CACNA1C: variants seen among roughly 807,000 people sequenced by gnomAD.
CACNA1C encodes the protein calcium voltage-gated channel subunit alpha1 C.
CACNA1C carries 30 observed loss-of-function variants against 229.0 expected under a neutral mutation model. That is an observed-to-expected ratio of 0.13 (90% CI 0.10 to 0.18). The LOEUF (loss-of-function observed/expected upper bound fraction) is 0.18. Ranked by LOEUF, CACNA1C falls within the 10% of genes least tolerant of loss-of-function variation. CACNA1C has a pLI of 1.00. For synonymous variants in CACNA1C, 1,114 were observed against 1,132.5 expected, an observed-to-expected ratio of 0.98 and a Z score of 0.33; for missense variants, 1,658 against 2,845.0, an observed-to-expected ratio of 0.58 and a Z score of 9.49.
chr12:2,387,986 A>G (rs1384837133), intron 3 of CACNA1C, among the ~76,000 whole-genome samples: 1 of 152,164 alleles, frequency 6.6e-6, no homozygotes, highest in Non-Finnish European at 1.5e-5. Flanking sequence ...ACTAGAGAGC[A>G]GGAGACCAAG....
intron 1 of CACNA1C, among the ~76,000 whole-genome samples, chr12:2,084,743 T>C (rs914183796): frequency 2.6e-5 from 4 of 152,234 alleles, no homozygotes; most frequent in Non-Finnish European, 5.9e-5. Flanking sequence ...GCAGCTGTGC[T>C]CTACTGTTGA....
chr12:2,376,247 G>A (rs930423995), intron 3 of CACNA1C, among the ~76,000 whole-genome samples: 7 of 152,130 alleles, frequency 4.6e-5, no homozygotes, highest in Admixed American at 1.3e-4. Flanking sequence ...AGTCCAGGTC[G>A]GAGTCATGGC....
At chr12:2,060,820 G>A (rs1428058899) in intron 1 of CACNA1C, among the ~76,000 whole-genome samples, 2 of 152,250 alleles carry the variant, frequency 1.3e-5, no homozygotes, top group East Asian at 1.9e-4. Context: ...GTCCTTTAGA[G>A]AACCAAGCCA....
At position 2,653,837 on chromosome 12, in the gene CACNA1C, C is replaced by T. The variant is rs780693981; in HGVS notation, c.4077C>T (p.Ala1359=). ...LLWTFIKSFQ[A]LPYVALLIVM... ...GAGTCTCCTGCACTTCCTTCCAGGCCCTGCCCTATGTGGCCCTCCTGATCG... is the reference window on the plus strand; with the variant it reads ...GAGTCTCCTGCACTTCCTTCCAGGCTCTGCCCTATGTGGCCCTCCTGATCG... Residue 1359 remains alanine (A), a splice_region_variant and synonymous_variant, in exon 33 of 47, where the codon GCC becomes GCT. Transcript: ENST00000399655. This position sits in a 1 kb window ranked among gnomAD's most constrained non-coding sequence, Gnocchi z 4.7. 2 of 1,613,828 alleles carry T rather than the reference C, an allele frequency of 1.2e-6. No individual in the cohort carries two copies. The highest frequency in any genetic ancestry group is 2.2e-5 in the South Asian group (2 of 91,074).
intron 3 of CACNA1C, among the ~76,000 whole-genome samples, chr12:2,235,121 T>C (rs2066834547): frequency 6.6e-6 from 1 of 152,220 alleles, no homozygotes; most frequent in South Asian, 2.1e-4. Context: ...TACGTGGCTC[T>C]CTGAGGGCCA....
chr12:2,575,165 A>C lies in CACNA1C; in HGVS notation c.1896-6425A>C, dbSNP rs1276894266. On this transcript the variant is annotated intron_variant, in intron 13 of 46. Transcript: ENST00000399655. This position sits in a 1 kb window ranked among gnomAD's most constrained non-coding sequence, Gnocchi z 4.0. ...ACATCTGCTGCAAACAGAGAAGACA[A>C]GACCTTTGAACTTGTTAACTAAGTC... Among the ~76,000 whole-genome samples, 2 of 152,212 alleles carry C rather than the reference A, an allele frequency of 1.3e-5. No homozygotes were observed. The highest frequency in any genetic ancestry group is 4.8e-5 in the African/African-American group (2 of 41,458).
intron 13 of CACNA1C, among the ~76,000 whole-genome samples, chr12:2,574,739 C>G (rs1182783413): frequency 1.3e-5 from 2 of 152,242 alleles, no homozygotes; most frequent in East Asian, 3.9e-4. Flanking sequence ...CTAGCCCCCA[C>G]TCTTCTCAGG....
At chr12:2,324,836 T>C (rs1280175758) in intron 3 of CACNA1C, among the ~76,000 whole-genome samples, 1 of 152,066 alleles carries the variant, frequency 6.6e-6, no homozygotes, top group African/African-American at 2.4e-5. Flanking sequence ...TTGCTCTCCA[T>C]GTGATGAACT....
At chr12:2,567,841 T>A (rs1226021001) in intron 13 of CACNA1C, 47 bp downstream of exon 13, 1 of 1,245,138 alleles carries the variant, frequency 8.0e-7, no homozygotes, top group Admixed American at 1.9e-5. Flanking sequence ...CAGGAAGAAG[T>A]TCTTCCAGAG....
At chr12:2,100,607 A>G (rs2076010430) in intron 1 of CACNA1C, among the ~76,000 whole-genome samples, 1 of 147,006 alleles carries the variant, frequency 6.8e-6, no homozygotes, top group South Asian at 2.1e-4. Context: ...AAAAAAAAAA[A>G]TTAGCTGGGC....
chr12:2,246,869 G>A (rs2073523797), intron 3 of CACNA1C, among the ~76,000 whole-genome samples: 1 of 152,130 alleles, frequency 6.6e-6, no homozygotes, highest in Non-Finnish European at 1.5e-5. Flanking sequence ...CTTCAAGGAG[G>A]CCAGTTCCCT....
chr12:2,624,732 CCA>C (rs2085325094), intron 29 of CACNA1C, among the ~76,000 whole-genome samples: 3 of 152,324 alleles, frequency 2.0e-5, no homozygotes, highest in East Asian at 3.9e-4. Context: ...CTCTAAGAAC[CCA>C]CACATAGCCT....
At chr12:2,090,911 A>G (rs763535537) in intron 1 of CACNA1C, among the ~76,000 whole-genome samples, 2 of 151,950 alleles carry the variant, frequency 1.3e-5, no homozygotes, top group African/African-American at 2.4e-5. Context: ...GTTAATTTCT[A>G]TTTTTTGATA....
chr12:2,190,375 C>T (rs916788134), intron 3 of CACNA1C, among the ~76,000 whole-genome samples: 4 of 152,288 alleles, frequency 2.6e-5, no homozygotes, highest in African/African-American at 7.2e-5. Context: ...ATCCCCGCCC[C>T]GCAGTGCCCC....
At chr12:2,083,716 A>C (rs964370872) in intron 1 of CACNA1C, among the ~76,000 whole-genome samples, 2 of 152,224 alleles carry the variant, frequency 1.3e-5, no homozygotes, top group Non-Finnish European at 2.9e-5. Context: ...GTGGGAAGTT[A>C]ATGGCCCTTG....
At chr12:1,985,606 C>T (rs1054865837) in intron 1 of CACNA1C, among the ~76,000 whole-genome samples, 3 of 152,046 alleles carry the variant, frequency 2.0e-5, no homozygotes, top group African/African-American at 7.2e-5. Context: ...CTGATTTTTT[C>T]CTTGACAGTT....
intron 3 of CACNA1C, among the ~76,000 whole-genome samples, chr12:2,357,247 C>A (rs1054575755): frequency 3.3e-5 from 5 of 152,176 alleles, no homozygotes; most frequent in Non-Finnish European, 7.3e-5. Flanking sequence ...TCTAAAATTA[C>A]AAGAGAATCA....
chr12:2,151,127 C>G (rs1861979680), intron 3 of CACNA1C, among the ~76,000 whole-genome samples: 1 of 152,124 alleles, frequency 6.6e-6, no homozygotes, highest in African/African-American at 2.4e-5. Context: ...GTACAGGATT[C>G]CTATGGCCAC....
chr12:2,508,705 G>A (rs1458750622), intron 8 of CACNA1C, among the ~76,000 whole-genome samples: 1 of 152,174 alleles, frequency 6.6e-6, no homozygotes, highest in Non-Finnish European at 1.5e-5. Flanking sequence ...TTTTGGCCCT[G>A]AGAGGGTTAG....
Sources: allele counts gnomAD v4.1 joint callset (sites outside exome capture counted in the v4.1 genomes callset), GRCh38; gene constraint gnomAD v4.1.1; non-coding constraint Gnocchi (gnomAD v3.1); transcripts MANE v1.5; gene names NCBI Gene and HGNC (gene_info 2026-07-23, HGNC 2026-07-21).